CDC40: variants seen among roughly 807,000 people sequenced by gnomAD.
CDC40 encodes pre-mRNA-processing factor 17.
Under a neutral mutation model 80.6 loss-of-function variants are expected in CDC40, and 27 were observed. The observed-to-expected ratio is 0.33, with a 90% CI of 0.25 to 0.46. CDC40 has a LOEUF of 0.46. Ranked by LOEUF, CDC40 falls within the 20% of genes least tolerant of loss-of-function variation. The pLI is 1.00. For missense variants in CDC40, 486 were observed against 694.1 expected (o/e 0.70, Z 3.37); for synonymous variants, 221 against 232.6 (o/e 0.95, Z 0.45).
At chr6:110,199,851 A>G (rs535182315) in intron 2 of CDC40, among the ~76,000 whole-genome samples, 2 of 152,200 alleles carry the variant, frequency 1.3e-5, no homozygotes, top group Admixed American at 1.3e-4. Flanking sequence ...GAAATAGCAG[A>G]TGCTGCTCTG....
intron 2 of CDC40, among the ~76,000 whole-genome samples, chr6:110,198,681 C>G (rs1169872161): frequency 6.6e-6 from 1 of 152,128 alleles, no homozygotes. Context: ...TTATAATTTA[C>G]TATATTGTTC....
At chr6:110,203,143 T>G (rs1314099683) in intron 3 of CDC40, among the ~76,000 whole-genome samples, 1 of 152,158 alleles carries the variant, frequency 6.6e-6, no homozygotes, top group Admixed American at 6.5e-5. Context: ...TCAAGTAAAC[T>G]TAATAAGTGA....
chr6:110,207,690 C>A, intron 4 of CDC40, 101 bp downstream of exon 4: 1 of 608,120 alleles, frequency 1.6e-6, no homozygotes, highest in Non-Finnish European at 2.9e-6. Flanking sequence ...GTATTTAGCG[C>A]TTTTTTTTTT....
At chr6:110,193,304 A>C in intron 2 of CDC40, 36 bp downstream of exon 2, 1 of 1,216,734 alleles carries the variant, frequency 8.2e-7, no homozygotes, top group Non-Finnish European at 1.2e-6. Context: ...ACTTTTGCTA[A>C]AGAATTTAAA....
chr6:110,180,431 G>T lies in CDC40; in HGVS notation c.-14G>T, dbSNP rs200061537. On this transcript the variant is annotated 5_prime_UTR_variant, in exon 1 of 15. Coordinates refer to ENST00000307731, the MANE Select transcript of CDC40 (RefSeq NM_015891.3). ...CCGCCCTGGCAGGGTCTCCGCAGAA[G>T]ATTTGTTGCCGTCATGTCGGCTGCG... 6.2e-7 allele frequency: 1 copy of T among 1,613,946 alleles called. No individual in the cohort carries two copies. Among genetic ancestry groups the T allele is most frequent in the South Asian group, 1.1e-5 (1 of 91,078 alleles).
At chr6:110,197,854 C>T (rs369401236) in intron 2 of CDC40, among the ~76,000 whole-genome samples, 2 of 152,086 alleles carry the variant, frequency 1.3e-5, no homozygotes, top group East Asian at 1.9e-4. Context: ...TAGGTTGATT[C>T]GTGGGAATAC....
Position 110,219,880 on chromosome 6 carries a change from A to G in CDC40, c.1340+11A>G. On this transcript the variant is annotated intron_variant, in intron 12 of 14. Transcript: ENST00000307731. ...AAGAGTTTGGGAATGGTGAGTTTCCATCAGTAGAAAATCTGATTTACATAA... is the reference window on the plus strand; with the variant it reads ...AAGAGTTTGGGAATGGTGAGTTTCCGTCAGTAGAAAATCTGATTTACATAA... 6.2e-7 allele frequency: 1 copy of G among 1,610,304 alleles called. No homozygotes were observed. Among genetic ancestry groups the G allele is most frequent in the South Asian group, 1.1e-5 (1 of 90,046 alleles).
chr6:110,215,290 G>C lies in CDC40; in HGVS notation c.947G>C (p.Trp316Ser), dbSNP rs1777685978. Residue 316 changes from tryptophan (W) to serine (S), a missense_variant, in exon 9 of 15, where the codon TGG becomes TCG. Physicochemically the swap from Trp to Ser is radical, Grantham distance 177. Around this residue, in one of 3 missense-constraint regions of CDC40, gnomAD observed 381 missense variants for 492.1 expected, o/e 0.77. Transcript: ENST00000307731. ...GTTGTTTTTTTTCTCCCCCAGCTAT[G>C]GGAGGTTTATGGAGAACGGCGCTGT... is the stretch of plus-strand genomic sequence containing the variant. ...SCSMDCKIKL[W>S]EVYGERRCLR... The C allele has an allele frequency of 6.2e-7, 1 of 1,612,528 alleles. No homozygotes were observed. Among genetic ancestry groups the C allele is most frequent in the African/African-American group, 1.3e-5 (1 of 74,848 alleles).
At position 110,212,284 on chromosome 6, in the gene CDC40, G is replaced by T; in HGVS notation, c.867+12G>T. 6.2e-7 allele frequency: 1 copy of T among 1,612,714 alleles called. No homozygotes were observed. The highest frequency in any genetic ancestry group is 1.1e-5 in the South Asian group (1 of 90,690). Reference sequence around the variant, plus strand: ...CTGGACACACAAAGGTAAGCAAGTTGGTTGTTTCTGTTTGCTGTAATGTTA... The same window carrying T: ...CTGGACACACAAAGGTAAGCAAGTTTGTTGTTTCTGTTTGCTGTAATGTTA... On this transcript the variant is annotated intron_variant, in intron 7 of 14. Transcript: ENST00000307731.
chr6:110,216,561 T>C (rs1400016530), intron 9 of CDC40, among the ~76,000 whole-genome samples: 3 of 152,160 alleles, frequency 2.0e-5, no homozygotes. Flanking sequence ...GAAATTTTCC[T>C]CCTGAAGGAG....
intron 5 of CDC40, among the ~76,000 whole-genome samples, chr6:110,209,920 A>G (rs1777612399): frequency 6.6e-6 from 1 of 152,172 alleles, no homozygotes; most frequent in Non-Finnish European, 1.5e-5. Context: ...ACTTGTTATT[A>G]TAGATAGAGA....
intron 2 of CDC40, among the ~76,000 whole-genome samples, chr6:110,195,322 GT>G (rs963474987): frequency 2.4e-4 from 36 of 150,278 alleles, no homozygotes; most frequent in African/African-American, 8.9e-4. Context: ...GGTCAAATGT[GT>G]TTTTTTTAAA....
At chr6:110,215,561 A>G (rs184249287) in intron 9 of CDC40, among the ~76,000 whole-genome samples, 5 of 152,324 alleles carry the variant, frequency 3.3e-5, no homozygotes, top group Non-Finnish European at 7.3e-5. Context: ...GAGGGGATCC[A>G]CGTACATTTC....
At chr6:110,183,267 G>A (rs902599729) in intron 1 of CDC40, among the ~76,000 whole-genome samples, 2 of 152,134 alleles carry the variant, frequency 1.3e-5, no homozygotes, top group East Asian at 1.9e-4. Flanking sequence ...AGAGACTGTT[G>A]TATCCATTCG....
At chr6:110,201,462 T>C (rs1777491864) in intron 2 of CDC40, 96 bp from the exon 3 acceptor site, 1 of 950,690 alleles carries the variant, frequency 1.1e-6, no homozygotes, top group Non-Finnish European at 1.5e-6. Flanking sequence ...ATAGGCCCTT[T>C]TTTTGTACAG....
At chr6:110,199,587 C>T (rs1162997217) in intron 2 of CDC40, among the ~76,000 whole-genome samples, 1 of 144,578 alleles carries the variant, frequency 6.9e-6, no homozygotes, top group Non-Finnish European at 1.5e-5. Flanking sequence ...GAGGGAGACC[C>T]TGTCTCAAAA....
At position 110,231,724 on chromosome 6, in the gene CDC40, C is replaced by G. The variant is rs938229859; in HGVS notation, c.*1593C>G. ...AACCTAAGAGCATTAAGCTCTGAGT[C>G]CAGTGAGGTCATAGCAGTGTATGCT... On this transcript the variant is annotated 3_prime_UTR_variant, in exon 15 of 15. Coordinates refer to ENST00000307731, the MANE Select transcript of CDC40 (RefSeq NM_015891.3). The G allele has an allele frequency of 5.9e-5, 9 of 151,318 alleles. No homozygotes were observed. The highest frequency in any genetic ancestry group is 1.0e-4 in the Non-Finnish European group (7 of 67,848). The allele number at this position is 151,318 out of a possible 1,614,324, so 9.4% of individuals were successfully genotyped here. A position where few individuals can be genotyped will look rare whatever the true frequency, so the allele number is the denominator to read the frequency against.
intron 1 of CDC40, among the ~76,000 whole-genome samples, chr6:110,182,382 G>A (rs1239893676): frequency 1.3e-5 from 2 of 152,128 alleles, no homozygotes; most frequent in Admixed American, 1.3e-4. Flanking sequence ...TCTTTTGCAG[G>A]TTGGCGCTCA....
At chr6:110,185,298 A>G (rs1777252041) in intron 1 of CDC40, among the ~76,000 whole-genome samples, 2 of 132,340 alleles carry the variant, frequency 1.5e-5, no homozygotes, top group East Asian at 2.2e-4. Flanking sequence ...GCTGGAGTGC[A>G]GTGGCGGGAT....
Sources: allele counts gnomAD v4.1 joint callset (sites outside exome capture counted in the v4.1 genomes callset), GRCh38; gene constraint gnomAD v4.1.1; regional missense constraint gnomAD v4.1.1; transcripts MANE v1.5; gene names NCBI Gene and HGNC (gene_info 2026-07-23, HGNC 2026-07-21).